The following NR5A2 variants were observed in gnomAD, a reference collection of about 807,000 sequenced individuals.
NR5A2 encodes nuclear receptor subfamily 5 group A member 2.
Under a neutral mutation model 62.7 loss-of-function variants are expected in NR5A2, and 26 were observed. That is an observed-to-expected ratio of 0.41 (90% CI 0.30 to 0.58). NR5A2 has a LOEUF of 0.58. NR5A2 is among the 20% of genes least tolerant of loss of function. The pLI is 0.22. For missense variants in NR5A2, 541 were observed against 669.1 expected (o/e 0.81, Z 2.11); for synonymous variants, 246 against 241.7 (o/e 1.02, Z -0.16).
intron 6 of NR5A2, among the ~76,000 whole-genome samples, chr1:200,112,733 A>C (rs1328921549): frequency 6.6e-6 from 1 of 152,150 alleles, no homozygotes; most frequent in African/African-American, 2.4e-5. Context: ...TGTGCTTTCA[A>C]ATTTTTTTTG....
At chr1:200,042,921 C>A in intron 2 of NR5A2, 1 of 985,452 alleles carries the variant, frequency 1.0e-6, no homozygotes, top group Non-Finnish European at 1.2e-6. Flanking sequence ...CGCCGCGCGT[C>A]GTGGCGGCCT....
chr1:200,033,738 A>C (rs1486474475), intron 1 of NR5A2, among the ~76,000 whole-genome samples: 2 of 152,212 alleles, frequency 1.3e-5, no homozygotes, highest in African/African-American at 4.8e-5. Flanking sequence ...ACCATGTTGG[A>C]AAAGCCCACG....
In NR5A2 at chr1:200,056,012, T is replaced by C. The variant is rs1055656897; in HGVS notation, c.1110+7194T>C. ...GGTTTGATTCATGGTCTCTAAGGTC[T>C]CTTCAGGTGTTAAGCATCTGCTTTT... On this transcript the variant is annotated intron_variant, in intron 5 of 7. Coordinates refer to ENST00000367362, the MANE Select transcript of NR5A2 (RefSeq NM_205860.3). 3.9e-5 allele frequency among the ~76,000 whole-genome samples: 6 copies of C among 152,346 alleles called. No homozygotes were observed. In the East Asian group the frequency reaches 1.2e-3, roughly 29 times the overall value.
intron 7 of NR5A2, among the ~76,000 whole-genome samples, chr1:200,158,137 T>A (rs552105520): frequency 6.6e-6 from 1 of 152,350 alleles, no homozygotes; most frequent in Non-Finnish European, 1.5e-5. Flanking sequence ...TCAATTTATA[T>A]GTACTTAAAG....
chr1:200,092,702 A>AG (rs1241441502), intron 5 of NR5A2, among the ~76,000 whole-genome samples: 1 of 126,044 alleles, frequency 7.9e-6, no homozygotes, highest in African/African-American at 3.3e-5. Context: ...TCAGTTAGTC[A>AG]GAAAAAAAAA....
chr1:200,087,244 AC>A (rs1302683128), intron 5 of NR5A2, among the ~76,000 whole-genome samples: 2 of 36,824 alleles, frequency 5.4e-5, no homozygotes, highest in Non-Finnish European at 1.1e-4. Flanking sequence ...CTTCACCAAC[AC>A]ACACACACAC....
chr1:200,052,809 T>C (rs1411291777), intron 5 of NR5A2, among the ~76,000 whole-genome samples: 1 of 151,944 alleles, frequency 6.6e-6, no homozygotes, highest in African/African-American at 2.4e-5. Context: ...GCCGGCTAAT[T>C]TTTTGTATTT....
intron 5 of NR5A2, among the ~76,000 whole-genome samples, chr1:200,083,967 AAATAATAATAAT>A (rs149200240): frequency 7.7e-4 from 110 of 142,712 alleles, no homozygotes; most frequent in African/African-American, 2.1e-3. Context: ...CTCCATCTCA[AAATAATAATAAT>A]AATAATAATA....
At chr1:200,030,905 T>C (rs1042782272) in intron 1 of NR5A2, among the ~76,000 whole-genome samples, 4 of 152,166 alleles carry the variant, frequency 2.6e-5, no homozygotes, top group Non-Finnish European at 5.9e-5. Flanking sequence ...ACACTCTGAG[T>C]CTGATTTTAT....
At chr1:200,059,271 G>T (rs1663077463) in intron 5 of NR5A2, among the ~76,000 whole-genome samples, 1 of 152,152 alleles carries the variant, frequency 6.6e-6, no homozygotes, top group Admixed American at 6.5e-5. Flanking sequence ...GGCACAGAAT[G>T]AGGCAGTCAG....
rs552151854 is a variant in NR5A2 at position 200,050,676 on chromosome 1, A to G, written c.1110+1858A>G. On this transcript the variant is annotated intron_variant, in intron 5 of 7. Transcript: ENST00000367362. ...GAGGCCAAGGCGGGCGGATCACCTG[A>G]GGTCAGGAGTACGAGACCAGCCTGA... 1.2e-4 allele frequency among the ~76,000 whole-genome samples: 18 copies of G among 152,342 alleles called. No individual in the cohort carries two copies. In the East Asian group the frequency reaches 3.5e-3, roughly 29 times the overall value.
rs1666287005 is a variant in NR5A2, at chr1:200,117,679, T to C, written c.1231-3129T>C. On this transcript the variant is annotated intron_variant, in intron 6 of 7. Transcript: ENST00000367362. The stretch of plus-strand genomic sequence containing the variant: ...ATATTTGTGTTTCATTTTAGTATGG[T>C]CTTCCTGATTCAGGCCTTAACTAGT... 4.6e-5 allele frequency among the ~76,000 whole-genome samples: 7 copies of C among 152,274 alleles called. No individual in the cohort carries two copies. The South Asian group carries it at 1.4e-3, about 32-fold the overall frequency.
intron 7 of NR5A2, among the ~76,000 whole-genome samples, chr1:200,140,223 G>C (rs185587511): frequency 3.4e-5 from 5 of 148,424 alleles, no homozygotes; most frequent in Non-Finnish European, 7.5e-5. Context: ...TATTATTATC[G>C]TGTGCTTCTT....
chr1:200,075,018 C>G (rs1022783884), intron 5 of NR5A2, among the ~76,000 whole-genome samples: 9 of 151,932 alleles, frequency 5.9e-5, no homozygotes, highest in Non-Finnish European at 1.0e-4. Context: ...AAAGATTGTC[C>G]TCTAGGAAAA....
At chr1:200,054,683 G>A (rs1256389266) in intron 5 of NR5A2, among the ~76,000 whole-genome samples, 1 of 152,146 alleles carries the variant, frequency 6.6e-6, no homozygotes, top group Non-Finnish European at 1.5e-5. Flanking sequence ...TTTAAGTATA[G>A]CTTTATCTAA....
At chr1:200,088,656 C>T (rs968561019) in intron 5 of NR5A2, among the ~76,000 whole-genome samples, 6 of 152,208 alleles carry the variant, frequency 3.9e-5, no homozygotes, top group African/African-American at 1.2e-4. Context: ...CACCACATTA[C>T]ATGGGTCTCC....
chr1:200,053,067 A>T (rs1481848623), intron 5 of NR5A2, among the ~76,000 whole-genome samples: 2 of 152,186 alleles, frequency 1.3e-5, no homozygotes, highest in Non-Finnish European at 2.9e-5. Flanking sequence ...TTGTTTTTCT[A>T]TACATCTACA....
Position 200,039,798 on chromosome 1 carries a change from A to G in NR5A2, c.202+3A>G. 1 of 1,593,042 alleles carries G rather than the reference A, an allele frequency of 6.3e-7. No individual in the cohort carries two copies. Among genetic ancestry groups the G allele is most frequent in the Non-Finnish European group, 8.5e-7 (1 of 1,171,222 alleles). On this transcript the variant is annotated splice_donor_region_variant and intron_variant, in intron 2 of 7. Transcript: ENST00000367362. This position sits in a 1 kb window ranked among gnomAD's most constrained non-coding sequence, Gnocchi z 5.1. ...CCAGATGCCGGAAAACATGCAAGGT[A>G]AGGAGGCGCCGCGCGGCGCTCCGGC...
chr1:200,170,185 T>G (rs1424297569), intron 7 of NR5A2, among the ~76,000 whole-genome samples: 2 of 152,196 alleles, frequency 1.3e-5, no homozygotes, highest in African/African-American at 4.8e-5. Context: ...GACTCCCAAG[T>G]TGCCAGCTAC....
Sources: gnomAD v4.1 joint callset for allele counts (sites outside exome capture counted in the v4.1 genomes callset) on GRCh38, gnomAD v4.1.1 for gene constraint, Gnocchi (gnomAD v3.1) non-coding constraint, MANE v1.5 for transcripts, NCBI Gene and HGNC (gene_info 2026-07-23, HGNC 2026-07-21) for gene names.